Variants in SCOC observed in about 807,000 individuals in gnomAD.
SCOC encodes short coiled coil protein.
A neutral mutation model predicts 9.9 loss-of-function variants in SCOC; 7 were observed. The observed-to-expected ratio is 0.71, with a 90% CI of 0.40 to 1.33. The LOEUF (loss-of-function observed/expected upper bound fraction) is 1.33, where lower values mean the gene tolerates loss of function less well. Ranked by LOEUF, SCOC falls within the 40% of genes most tolerant of loss-of-function variation. The pLI is 0.01. For missense variants in SCOC, 66 were observed against 89.7 expected, an observed-to-expected ratio of 0.74 and a Z score of 1.07; for synonymous variants, 19 against 28.2, an observed-to-expected ratio of 0.67 and a Z score of 1.03.
chr4:140,311,242 A>G (rs1034547428), intron 1 of SCOC, among the ~76,000 whole-genome samples: 1 of 152,136 alleles, frequency 6.6e-6, no homozygotes, highest in Admixed American at 6.6e-5. Flanking sequence ...TAAAAATAAT[A>G]AAAAAAGATT....
At chr4:140,355,360 C>T (rs1211614379) in intron 2 of SCOC, among the ~76,000 whole-genome samples, 1 of 151,638 alleles carries the variant, frequency 6.6e-6, no homozygotes, top group East Asian at 1.9e-4. Flanking sequence ...AGGCACTGTG[C>T]TAAGAAATTT....
chr4:140,309,349 G>T (rs2126464720), intron 1 of SCOC, among the ~76,000 whole-genome samples: 1 of 152,346 alleles, frequency 6.6e-6, no homozygotes, highest in East Asian at 1.9e-4. Flanking sequence ...AAGACAATGT[G>T]CTGAAGACCA....
intron 2 of SCOC, among the ~76,000 whole-genome samples, chr4:140,362,145 G>GGCATGATTTGCTTCACTGC (rs1727505439): frequency 6.9e-6 from 1 of 144,994 alleles, no homozygotes. Flanking sequence ...AGAGAGCCTG[G>GGCATGATTTGCTTCACTGC]CCATATCTTT....
intron 1 of SCOC, chr4:140,374,119 C>T (rs1263699252): frequency 1.9e-5 from 9 of 465,334 alleles, no homozygotes; most frequent in Non-Finnish European, 3.8e-5. Context: ...GGCTGCTCTG[C>T]GAGAGCCTGA....
At position 140,381,221 on chromosome 4, in the gene SCOC, T is replaced by C; in HGVS notation, c.*117T>C. Reference sequence around the variant, plus strand: ...CTTCATTGAATATTTATGAAGATAATGTCAGATGTAGACAAAAATAACACA... The same window carrying C: ...CTTCATTGAATATTTATGAAGATAACGTCAGATGTAGACAAAAATAACACA... On this transcript the variant is annotated 3_prime_UTR_variant, in exon 4 of 4. Coordinates refer to ENST00000608372, the MANE Select transcript of SCOC (RefSeq NM_001153484.2). The C allele has an allele frequency of 2.0e-6, 2 of 1,000,506 alleles. No individual in the cohort carries two copies. The highest frequency in any genetic ancestry group is 3.6e-5 in the South Asian group (2 of 55,042). 62.0% of individuals were successfully genotyped at this position (1,000,506 alleles called of 1,614,324 possible).
At chr4:140,340,148 T>C (rs1202474100), upstream of SCOC, among the ~76,000 whole-genome samples, 1 of 152,152 alleles carries the variant, frequency 6.6e-6, no homozygotes, top group East Asian at 1.9e-4. Flanking sequence ...ATGTCCTTTG[T>C]AGGGACATGG....
chr4:140,362,255 G>A (rs1231153235), intron 2 of SCOC, among the ~76,000 whole-genome samples: 1 of 79,790 alleles, frequency 1.3e-5, no homozygotes, highest in East Asian at 4.3e-4. Context: ...ACTAAAGACC[G>A]GCTAAAGACA....
intron 1 of SCOC, among the ~76,000 whole-genome samples, chr4:140,308,919 C>A (rs751703453): frequency 3.3e-5 from 5 of 152,124 alleles, no homozygotes; most frequent in Admixed American, 6.5e-5. Context: ...AGTTCAGGAG[C>A]AGGCAGCTTT....
intron 1 of SCOC, among the ~76,000 whole-genome samples, chr4:140,287,604 TAC>T (rs1247251800): frequency 4.6e-5 from 7 of 151,640 alleles, no homozygotes; most frequent in Admixed American, 2.6e-4. Flanking sequence ...CACACATATG[TAC>T]ACACACTACA....
chr4:140,370,351 T>A (rs1727998387), upstream of SCOC, among the ~76,000 whole-genome samples: 1 of 152,246 alleles, frequency 6.6e-6, no homozygotes, highest in Non-Finnish European at 1.5e-5. Flanking sequence ...GGGTGCAATG[T>A]TCTACAAATG....
At chr4:140,355,211 T>TTATATATATA (rs34322076) in intron 2 of SCOC, among the ~76,000 whole-genome samples, 84 of 61,340 alleles carry the variant, frequency 1.4e-3, no homozygotes, top group Admixed American at 4.8e-3. Context: ...CATTATATTT[T>TTATATATATA]TATATATATA....
At chr4:140,289,685 A>T (rs891693761) in intron 1 of SCOC, among the ~76,000 whole-genome samples, 3 of 152,186 alleles carry the variant, frequency 2.0e-5, no homozygotes, top group Non-Finnish European at 2.9e-5. Context: ...ACTAGTGCCA[A>T]CAGGTTGTGC....
chr4:140,359,444 T>C (rs763363545), intron 2 of SCOC, among the ~76,000 whole-genome samples: 4 of 152,184 alleles, frequency 2.6e-5, no homozygotes, highest in Admixed American at 6.5e-5. Context: ...GTGTACTTTT[T>C]ATGATTGATT....
At chr4:140,316,814 G>T (rs1560697716) in intron 1 of SCOC, among the ~76,000 whole-genome samples, 1 of 152,146 alleles carries the variant, frequency 6.6e-6, no homozygotes, top group Non-Finnish European at 1.5e-5. Context: ...CCTGGGAATG[G>T]ATTACTTTTG....
At chr4:140,321,148 C>G (rs555772903) in intron 1 of SCOC, among the ~76,000 whole-genome samples, 1 of 152,232 alleles carries the variant, frequency 6.6e-6, no homozygotes, top group East Asian at 1.9e-4. Context: ...TAACAAACTT[C>G]CAGTCCAACT....
At chr4:140,376,675 A>T (rs1728359489) in intron 1 of SCOC, 1 of 152,090 alleles carries the variant, frequency 6.6e-6, no homozygotes, top group South Asian at 2.1e-4. Context: ...ACTTTTTCAG[A>T]TGAAGTCACA....
At chr4:140,367,057 T>C (rs1209884187) in intron 2 of SCOC, among the ~76,000 whole-genome samples, 1 of 151,834 alleles carries the variant, frequency 6.6e-6, no homozygotes, top group African/African-American at 2.4e-5. Flanking sequence ...AATACAAAAA[T>C]TAGCCGGGTG....
At chr4:140,343,101 T>C (rs1346517770), upstream of SCOC, among the ~76,000 whole-genome samples, 1 of 152,232 alleles carries the variant, frequency 6.6e-6, no homozygotes, top group East Asian at 1.9e-4. Flanking sequence ...TATTTCTTCA[T>C]ACATGTACCA....
At chr4:140,374,374 G>A in intron 1 of SCOC, 1 of 322,884 alleles carries the variant, frequency 3.1e-6, no homozygotes. Flanking sequence ...AATAAGGACA[G>A]ATGCCATTCC....
Sources: allele counts gnomAD v4.1 joint callset (sites outside exome capture counted in the v4.1 genomes callset), GRCh38; gene constraint gnomAD v4.1.1; transcripts MANE v1.5; gene names NCBI Gene and HGNC (gene_info 2026-07-23, HGNC 2026-07-21).